The following URI1 variants were observed in gnomAD, a reference collection of about 807,000 sequenced individuals.
URI1 encodes the protein unconventional prefoldin RPB5 interactor 1.
In URI1, 39 loss-of-function variants were observed where a neutral mutation model predicts 60.2. That is an observed-to-expected ratio of 0.65 (90% CI 0.50 to 0.85). The LOEUF is 0.85. Among genes scored for constraint, URI1 ranks in the 40% least tolerant of loss-of-function variants. The pLI is 0.00. For missense variants in URI1, 691 were observed against 665.9 expected (o/e 1.04, Z -0.42); for synonymous variants, 251 against 236.8 (o/e 1.06, Z -0.55).
chr19:29,927,058 G>A (rs910205334), intron 1 of URI1, among the ~76,000 whole-genome samples: 12 of 152,290 alleles, frequency 7.9e-5, no homozygotes, highest in Non-Finnish European at 1.8e-4. Flanking sequence ...GACAGCCTGG[G>A]GTGGGAGATG....
intron 2 of URI1, among the ~76,000 whole-genome samples, chr19:29,972,875 A>T (rs1284568923): frequency 1.3e-5 from 2 of 152,086 alleles, no homozygotes; most frequent in Non-Finnish European, 2.9e-5. Flanking sequence ...AGCTTAGCAT[A>T]TTTGCCTACA....
rs998933202 is a variant in URI1, at chr19:29,950,528, T to A, written c.117+7864T>A. Among the ~76,000 whole-genome samples, 4 of 152,178 alleles carry A rather than the reference T, an allele frequency of 2.6e-5. 1 individual carries two copies. In the South Asian group the frequency reaches 8.3e-4, roughly 31 times the overall value. On this transcript the variant is annotated intron_variant, in intron 1 of 10. Coordinates refer to ENST00000392271, the MANE Select transcript of URI1 (RefSeq NM_003796.3). ...CACTGTTTAGAGTAATCAGTTAGCATTTTGTCCTATTTGCTTTTCTCTTTA... is the reference window on the plus strand; with the variant it reads ...CACTGTTTAGAGTAATCAGTTAGCAATTTGTCCTATTTGCTTTTCTCTTTA...
At chr19:29,948,052 A>G (rs1054308598) in intron 1 of URI1, among the ~76,000 whole-genome samples, 1 of 152,094 alleles carries the variant, frequency 6.6e-6, no homozygotes, top group African/African-American at 2.4e-5. Context: ...TCTCCACCGC[A>G]TTGTCATCTT....
chr19:29,994,551 A>G (rs1042076569), intron 4 of URI1, among the ~76,000 whole-genome samples: 1 of 152,072 alleles, frequency 6.6e-6, no homozygotes, highest in Non-Finnish European at 1.5e-5. Flanking sequence ...ATTATTTCAC[A>G]TAGCATAATG....
chr19:29,945,958 A>G (rs1481907878), intron 1 of URI1, among the ~76,000 whole-genome samples: 2 of 152,324 alleles, frequency 1.3e-5, no homozygotes, highest in Middle Eastern at 3.4e-3. Flanking sequence ...CTGAGCCTGA[A>G]AAATGGCTCT....
chr19:29,992,503 G>A (rs1321910695), intron 4 of URI1, among the ~76,000 whole-genome samples: 2 of 152,160 alleles, frequency 1.3e-5, no homozygotes, highest in Admixed American at 6.5e-5. Context: ...GCATTCCCCC[G>A]TTTTTGTTCC....
chr19:29,925,143 C>T (rs2054855257), intron 1 of URI1, among the ~76,000 whole-genome samples: 1 of 152,238 alleles, frequency 6.6e-6, no homozygotes, highest in South Asian at 2.1e-4. Context: ...GCTGCACCCT[C>T]TCTTGTTGAT....
At chr19:29,932,856 T>G (rs1339768575) in intron 1 of URI1, among the ~76,000 whole-genome samples, 1 of 143,792 alleles carries the variant, frequency 7.0e-6, no homozygotes, top group African/African-American at 2.6e-5. Flanking sequence ...TTTCACCATG[T>G]TGGCCAGGCT....
chr19:29,938,943 T>C (rs1205021129), upstream of URI1, among the ~76,000 whole-genome samples: 1 of 150,520 alleles, frequency 6.6e-6, no homozygotes, highest in Non-Finnish European at 1.5e-5. Flanking sequence ...CCCAAAGTGC[T>C]GGGATTACAG....
Position 30,015,559 on chromosome 19 carries a change from A to G in URI1, c.*490A>G. The G allele has an allele frequency of 1.3e-6, 2 of 1,535,262 alleles. No individual in the cohort carries two copies. The highest frequency in any genetic ancestry group is 1.7e-6 in the Non-Finnish European group (2 of 1,146,374). ...AGGTTTTGCGGCTAGTTGGCTATTC[A>G]AGAAACCTCGCCCCTCTGAATGTCA... On this transcript the variant is annotated 3_prime_UTR_variant, in exon 11 of 11. Coordinates refer to ENST00000392271, the MANE Select transcript of URI1 (RefSeq NM_003796.3).
intron 1 of URI1, among the ~76,000 whole-genome samples, chr19:29,943,191 C>T (rs936110553): frequency 3.9e-5 from 6 of 152,184 alleles, no homozygotes; most frequent in African/African-American, 1.4e-4. Context: ...GCGATCCTCC[C>T]CCTCCTACCC....
At chr19:29,990,353 A>G (rs2145390359) in intron 4 of URI1, among the ~76,000 whole-genome samples, 1 of 152,326 alleles carries the variant, frequency 6.6e-6, no homozygotes, top group South Asian at 2.1e-4. Flanking sequence ...CAGCAAGTTA[A>G]ACATTGTGTT....
chr19:29,932,747 G>C (rs191523342), intron 1 of URI1, among the ~76,000 whole-genome samples: 1 of 151,708 alleles, frequency 6.6e-6, no homozygotes, highest in Non-Finnish European at 1.5e-5. Flanking sequence ...TGCCTCCCGG[G>C]TTCAAGCAAT....
At chr19:29,956,402 C>G (rs1201456555) in intron 1 of URI1, 19 of 1,424,424 alleles carry the variant, frequency 1.3e-5, no homozygotes, top group Non-Finnish European at 1.7e-5. Flanking sequence ...AGCTGGATAA[C>G]TCTTAGATCT....
At chr19:29,980,512 T>C (rs995650558) in intron 2 of URI1, 1 of 150,622 alleles carries the variant, frequency 6.6e-6, no homozygotes, top group African/African-American at 2.4e-5. Context: ...TATATAGAAA[T>C]TTTTTTCCTC....
intron 2 of URI1, among the ~76,000 whole-genome samples, chr19:29,974,994 T>A (rs1321542939): frequency 6.6e-6 from 1 of 152,218 alleles, no homozygotes; most frequent in Non-Finnish European, 1.5e-5. Flanking sequence ...GATGGGCACT[T>A]GGATTGATTC....
chr19:30,000,188 T>C (rs2055860819), intron 4 of URI1, among the ~76,000 whole-genome samples: 3 of 151,978 alleles, frequency 2.0e-5, no homozygotes, highest in African/African-American at 4.8e-5. Flanking sequence ...AACTGCTTTT[T>C]TTGTTGCATA....
At chr19:29,985,349 A>C (rs543148323) in intron 3 of URI1, 48 bp downstream of exon 3, 2 of 1,483,122 alleles carry the variant, frequency 1.3e-6, no homozygotes, top group African/African-American at 2.8e-5. Flanking sequence ...TCTTGTAAAC[A>C]TATTAACTAT....
At chr19:29,964,452 G>GTTTTTGTTTTTT (rs2055364763) in intron 1 of URI1, among the ~76,000 whole-genome samples, 4 of 137,260 alleles carry the variant, frequency 2.9e-5, no homozygotes, top group African/African-American at 1.1e-4. Context: ...TTTTGTTTTT[G>GTTTTTGTTTTTT]TTTTTTGTTT....
Sources: gnomAD v4.1 joint callset for allele counts (sites outside exome capture counted in the v4.1 genomes callset) on GRCh38, gnomAD v4.1.1 for gene constraint, MANE v1.5 for transcripts, NCBI Gene and HGNC (gene_info 2026-07-23, HGNC 2026-07-21) for gene names.